Variants in AFG2A observed in about 807,000 individuals in gnomAD.
AFG2A encodes the protein AAA ATPase AFG2A, also known as ATPase family gene 2 protein homolog A.
At chr4:122,976,395 A>G in the AFG2A span, among the ~76,000 whole-genome samples, 1 of 152,234 alleles carries the variant, frequency 6.6e-6, no homozygotes, top group African/African-American at 2.4e-5. Context: ...AGAACTTAGT[A>G]TCTAACTTCT....
chr4:123,304,729 A>C, the AFG2A span, among the ~76,000 whole-genome samples: 1 of 152,222 alleles, frequency 6.6e-6, no homozygotes, highest in Non-Finnish European at 1.5e-5. Flanking sequence ...TTTCGGCCTC[A>C]GTGGAAGGCG....
the AFG2A span, among the ~76,000 whole-genome samples, chr4:123,210,226 C>T: frequency 6.6e-6 from 1 of 152,170 alleles, no homozygotes; most frequent in Non-Finnish European, 1.5e-5. Flanking sequence ...AAGATGAGAA[C>T]ATTTAAAATC....
At chr4:123,172,013 C>A in the AFG2A span, among the ~76,000 whole-genome samples, 1 of 151,992 alleles carries the variant, frequency 6.6e-6, no homozygotes, top group Non-Finnish European at 1.5e-5. Flanking sequence ...GCTTTATATA[C>A]CATGTGTGAA....
the AFG2A span, among the ~76,000 whole-genome samples, chr4:123,122,913 T>C: frequency 6.6e-6 from 1 of 152,108 alleles, no homozygotes; most frequent in African/African-American, 2.4e-5. Flanking sequence ...AAAAATTGTG[T>C]TTTCCATTAT....
At chr4:122,981,665 T>C in the AFG2A span, among the ~76,000 whole-genome samples, 1 of 152,074 alleles carries the variant, frequency 6.6e-6, no homozygotes, top group Non-Finnish European at 1.5e-5. Flanking sequence ...CATTAGACAT[T>C]ATTCTATGTA....
chr4:123,302,603 G>T, the AFG2A span, among the ~76,000 whole-genome samples: 1 of 150,992 alleles, frequency 6.6e-6, no homozygotes, highest in African/African-American at 2.4e-5. Flanking sequence ...GAGTTGATCG[G>T]TAGGTCAAGC....
the AFG2A span, among the ~76,000 whole-genome samples, chr4:123,147,832 G>A: frequency 6.6e-6 from 1 of 152,114 alleles, no homozygotes; most frequent in Non-Finnish European, 1.5e-5. Flanking sequence ...ATACATTTAT[G>A]TAATTGTACA....
chr4:123,233,372 A>G, the AFG2A span, among the ~76,000 whole-genome samples: 2 of 151,928 alleles, frequency 1.3e-5, no homozygotes, highest in Admixed American at 6.6e-5. Flanking sequence ...GTGCTAACCT[A>G]TGTCATCCAT....
chr4:122,996,240 A>T, the AFG2A span, among the ~76,000 whole-genome samples: 2 of 152,138 alleles, frequency 1.3e-5, no homozygotes, highest in African/African-American at 4.8e-5. Flanking sequence ...AGATCCTGTA[A>T]TGTGTACACC....
At chr4:123,037,149 T>C in the AFG2A span, among the ~76,000 whole-genome samples, 1 of 151,916 alleles carries the variant, frequency 6.6e-6, no homozygotes, top group African/African-American at 2.4e-5. Flanking sequence ...TAAAAAGCCC[T>C]TGGGAGGACT....
the AFG2A span, among the ~76,000 whole-genome samples, chr4:123,002,952 C>T: frequency 5.9e-5 from 9 of 152,250 alleles, no homozygotes; most frequent in East Asian, 1.9e-4. Flanking sequence ...CAATCAGATG[C>T]AGATTTGGTC....
the AFG2A span, among the ~76,000 whole-genome samples, chr4:122,925,145 C>A: frequency 6.6e-6 from 1 of 152,094 alleles, no homozygotes; most frequent in Non-Finnish European, 1.5e-5. Flanking sequence ...GACTCTCCCC[C>A]CCATATCTCA....
chr4:123,281,113 T>C, the AFG2A span, among the ~76,000 whole-genome samples: 2 of 152,128 alleles, frequency 1.3e-5, no homozygotes, highest in Non-Finnish European at 2.9e-5. Flanking sequence ...TTTATTTAAA[T>C]TGATATAGTT....
the AFG2A span, among the ~76,000 whole-genome samples, chr4:123,173,863 A>G: frequency 6.6e-6 from 1 of 152,176 alleles, no homozygotes; most frequent in Non-Finnish European, 1.5e-5. Context: ...AAACTTTACA[A>G]ACTAGTTATA....
the AFG2A span, among the ~76,000 whole-genome samples, chr4:123,215,695 TC>T: frequency 0.023 from 3,534 of 152,150 alleles, 70 homozygotes; most frequent in African/African-American, 0.055. Context: ...TTTCCTACCT[TC>T]CCTCCACACC....
the AFG2A span, among the ~76,000 whole-genome samples, chr4:123,065,407 T>A: frequency 2.0e-5 from 3 of 152,176 alleles, no homozygotes; most frequent in Non-Finnish European, 2.9e-5. Flanking sequence ...TTAATAATAG[T>A]AAATTCTAGG....
At chr4:122,941,274 G>A in the AFG2A span, among the ~76,000 whole-genome samples, 6 of 151,532 alleles carry the variant, frequency 4.0e-5, no homozygotes, top group Non-Finnish European at 7.4e-5. Context: ...AGCATGGAAT[G>A]TTCTTCCATT....
chr4:123,232,523 A>T, the AFG2A span, among the ~76,000 whole-genome samples: 1 of 152,048 alleles, frequency 6.6e-6, no homozygotes, highest in Admixed American at 6.6e-5. Context: ...TTTTAACAAG[A>T]ATCATTTTGG....
chr4:123,036,494 G>A, the AFG2A span, among the ~76,000 whole-genome samples: 1 of 152,062 alleles, frequency 6.6e-6, no homozygotes, highest in African/African-American at 2.4e-5. Context: ...TGATTATTTC[G>A]AGAGATGAAA....
Sources: allele counts gnomAD v4.1 joint callset (sites outside exome capture counted in the v4.1 genomes callset), GRCh38; gene constraint gnomAD v4.1.1; transcripts MANE v1.5; gene names NCBI Gene and HGNC (gene_info 2026-07-23, HGNC 2026-07-21).